Variants in NSUN2 observed in about 807,000 individuals in gnomAD.
NSUN2 encodes NOP2/Sun RNA methyltransferase 2, also known as RNA cytosine C(5)-methyltransferase NSUN2.
A neutral mutation model predicts 92.7 loss-of-function variants in NSUN2; 63 were observed. That is an observed-to-expected ratio of 0.68 (90% CI 0.56 to 0.84). The LOEUF is 0.84. NSUN2 is among the 40% of genes least tolerant of loss of function. The probability of loss-of-function intolerance (pLI) is 0.00; values close to 1 mark genes in which losing one functional copy is unlikely to be tolerated. For synonymous variants in NSUN2, 356 were observed against 348.3 expected, an observed-to-expected ratio of 1.02 and a Z score of -0.25; for missense variants, 989 against 964.9, an observed-to-expected ratio of 1.02 and a Z score of -0.33.
intron 14 of NSUN2, 39 bp downstream of exon 14, chr5:6,606,781 A>G (rs766033866): frequency 1.7e-6 from 2 of 1,155,164 alleles, no homozygotes; most frequent in Admixed American, 3.7e-5. Flanking sequence ...TCTATAGTAA[A>G]TTTCTTTAAA....
chr5:6,606,844 T>C lies in NSUN2; in HGVS notation c.1577A>G (p.Asp526Gly), dbSNP rs746748664. The C allele has an allele frequency of 3.8e-6, 6 of 1,585,638 alleles. No individual in the cohort carries two copies. In the South Asian group the frequency reaches 5.6e-5, roughly 15 times the overall value. Reference sequence around the variant, plus strand: ...CTCAATAGGTGGAAATAATGGGTCATCTTCAGGAATAAATACAAATGGATC... The same window carrying C: ...CTCAATAGGTGGAAATAATGGGTCACCTTCAGGAATAAATACAAATGGATC... ...KEDPFVFIPE[D>G]DPLFPPIEKF... Residue 526 changes from aspartate (D) to glycine (G), a missense_variant, in exon 14 of 19, where the codon GAT (aspartate) becomes GGT (glycine). By Grantham distance (94) the Asp-to-Gly change is moderately conservative. Transcript: ENST00000264670.
At chr5:6,632,452 TG>T (rs1737958607) in intron 2 of NSUN2, 146 bp downstream of exon 2, 3 of 872,186 alleles carry the variant, frequency 3.4e-6, no homozygotes. Flanking sequence ...TTGGACCCTG[TG>T]CTCCCCACCT....
chr5:6,618,213 T>C (rs963598283), intron 7 of NSUN2, among the ~76,000 whole-genome samples, 189 bp from the exon 8 acceptor site: 8 of 152,230 alleles, frequency 5.3e-5, no homozygotes, highest in African/African-American at 1.9e-4. Flanking sequence ...TATTATAGTT[T>C]TAAATTATAC....
At chr5:6,611,494 A>T (rs1047600966) in intron 10 of NSUN2, among the ~76,000 whole-genome samples, 1 of 145,972 alleles carries the variant, frequency 6.9e-6, no homozygotes, top group Non-Finnish European at 1.5e-5. Flanking sequence ...GGATGAGAGT[A>T]AAAGAGTTTA....
chr5:6,616,772 T>C lies in NSUN2; in HGVS notation c.976A>G (p.Ile326Val), dbSNP rs145826656. 10 of 1,613,968 alleles carry C rather than the reference T, an allele frequency of 6.2e-6. No homozygotes were observed. The highest frequency in any genetic ancestry group is 8.5e-6 in the Non-Finnish European group (10 of 1,179,964). Residue 326 changes from isoleucine to valine, a missense_variant, in exon 9 of 19, where the codon ATT (isoleucine) becomes GTT (valine). By Grantham distance (29) the Ile-to-Val change is conservative. This residue lies in a region of NSUN2 where 626 missense variants were observed against 602.3 expected (regional missense o/e 1.04). Transcript: ENST00000264670. ...GATGCTATGACTGCTTCATCCTCAA[T>C]AGGGTTTAGTGAACACGTGGAATAC... ...MVYSTCSLNP[I>V]EDEAVIASLL...
In NSUN2 at chr5:6,629,493, G is replaced by T. The variant is rs558672525; in HGVS notation, c.359+2380C>A. Reference sequence around the variant, plus strand: ...ATGCTGAAACGTTCCTCCTGGACAGGAACTTCTTCATCTTAAAAGCATTTC... The same window carrying T: ...ATGCTGAAACGTTCCTCCTGGACAGTAACTTCTTCATCTTAAAAGCATTTC... On this transcript the variant is annotated intron_variant, in intron 3 of 18. Transcript: ENST00000264670. Among the ~76,000 whole-genome samples, 5 of 152,310 alleles carry T rather than the reference G, an allele frequency of 3.3e-5. No individual in the cohort carries two copies. The South Asian group carries it at 6.2e-4, about 19-fold the overall frequency.
Position 6,611,785 on chromosome 5 carries a change from A to T in NSUN2, c.1035T>A (p.Leu345=). Residue 345 remains leucine (L), a synonymous_variant, in exon 10 of 19, where the codon CTT becomes CTA. Coordinates refer to ENST00000264670, the MANE Select transcript of NSUN2 (RefSeq NM_017755.6). ...CTGGCAGTTCATTAGACACATCAGCAAGCTCCAAAGCACCTGTGCAGCAAA... is the reference window on the plus strand; with the variant it reads ...CTGGCAGTTCATTAGACACATCAGCTAGCTCCAAAGCACCTGTGCAGCAAA... The part of the protein sequence containing the change: ...LLEKSEGALE[L]ADVSNELPGL... The T allele has an allele frequency of 6.2e-7, 1 of 1,614,212 alleles. No individual in the cohort carries two copies. Among genetic ancestry groups the T allele is most frequent in the South Asian group, 1.1e-5 (1 of 91,090 alleles).
chr5:6,623,060 A>G (rs1030245459), intron 5 of NSUN2, among the ~76,000 whole-genome samples, 154 bp downstream of exon 5: 2 of 148,272 alleles, frequency 1.3e-5, no homozygotes, highest in African/African-American at 5.0e-5. Flanking sequence ...AAAAAAAAAA[A>G]GAAACTAAGA....
At chr5:6,614,198 A>G (rs1481053592) in intron 9 of NSUN2, among the ~76,000 whole-genome samples, 2 of 151,880 alleles carry the variant, frequency 1.3e-5, no homozygotes, top group Admixed American at 6.6e-5. Context: ...AAGATCTGCA[A>G]GCGTTCACTC....
At chr5:6,614,113 A>C (rs1049561441) in intron 9 of NSUN2, among the ~76,000 whole-genome samples, 4 of 95,374 alleles carry the variant, frequency 4.2e-5, no homozygotes, top group African/African-American at 1.7e-4. Context: ...AAAAAAAAAA[A>C]AAAAAAAAAC....
At chr5:6,630,112 G>C (rs976096812) in intron 3 of NSUN2, among the ~76,000 whole-genome samples, 18 of 152,084 alleles carry the variant, frequency 1.2e-4, no homozygotes, top group Non-Finnish European at 2.5e-4. Context: ...TAGTTACCAG[G>C]AGGAAGAAAA....
At chr5:6,609,978 C>A in intron 11 of NSUN2, 56 bp from the exon 12 acceptor site, 1 of 1,209,456 alleles carries the variant, frequency 8.3e-7, no homozygotes, top group Non-Finnish European at 1.2e-6. Context: ...CATTCTTTTA[C>A]TATTAAGACA....
intron 2 of NSUN2, 38 bp downstream of exon 2, chr5:6,632,561 G>C: frequency 6.2e-7 from 1 of 1,608,786 alleles, no homozygotes. Context: ...CCAGCATCCT[G>C]GCCCCAACTC....
chr5:6,631,070 G>C (rs1306495600), intron 3 of NSUN2, among the ~76,000 whole-genome samples: 2 of 152,160 alleles, frequency 1.3e-5, no homozygotes, highest in African/African-American at 4.8e-5. Context: ...CTCCAGCCTG[G>C]GCGACAGAGT....
intron 5 of NSUN2, among the ~76,000 whole-genome samples, chr5:6,622,976 G>A (rs1737510994): frequency 6.9e-6 from 1 of 145,466 alleles, no homozygotes; most frequent in African/African-American, 2.5e-5. Context: ...AATCCATATG[G>A]TAAACAAATC....
At chr5:6,616,979 AC>A (rs1430197920) in intron 8 of NSUN2, 122 bp from the exon 9 acceptor site, 2 of 817,942 alleles carry the variant, frequency 2.4e-6, no homozygotes, top group Non-Finnish European at 3.6e-6. Flanking sequence ...CTTAAAAAAA[AC>A]CTTCCAGGGA....
Position 6,599,729 on chromosome 5 carries a change from A to G in NSUN2, c.*197T>C, listed in dbSNP as rs186318719. ...AAACAAGTGATTTCTAACACGCTAA[A>G]AGAGTACATTTTCATCAGCTCCAAA... On this transcript the variant is annotated 3_prime_UTR_variant, in exon 19 of 19. Transcript: ENST00000264670. 2.9e-5 allele frequency: 17 copies of G among 588,752 alleles called. No homozygotes were observed. Among genetic ancestry groups the G allele is most frequent in the East Asian group, 2.4e-4 (9 of 37,190 alleles). 36.5% of individuals were successfully genotyped at this position (588,752 alleles called of 1,614,324 possible).
rs1008236707 is a variant in NSUN2 at position 6,632,864 on chromosome 5, C to G, written c.96+20G>C. 17 of 1,536,324 alleles carry G rather than the reference C, an allele frequency of 1.1e-5. No individual in the cohort carries two copies. The highest frequency in any genetic ancestry group is 2.0e-5 in the Admixed American group (1 of 50,736). On this transcript the variant is annotated intron_variant, in intron 1 of 18. Transcript: ENST00000264670. ...GCCCAGGAGGAGCCCCTGGCCCGCC[C>G]GCCGGGTCCCGGCTCCTACCGCCTC...
rs143196231 is a variant in NSUN2 at position 6,626,769 on chromosome 5, C to T, written c.360-1100G>A. Among the ~76,000 whole-genome samples the T allele has an allele frequency of 4.6e-3, 693 of 152,286 alleles. 4 individuals carry two copies. The highest frequency in any genetic ancestry group is 7.7e-3 in the Non-Finnish European group (527 of 68,024). On this transcript the variant is annotated intron_variant, in intron 3 of 18. Coordinates refer to ENST00000264670, the MANE Select transcript of NSUN2 (RefSeq NM_017755.6). ...GCCAAACCAAGTGTACCACGTCACA[C>T]GGCCATAAATCTTAGTGTAGTTTCA...
Sources: allele counts gnomAD v4.1 joint callset (sites outside exome capture counted in the v4.1 genomes callset), GRCh38; gene constraint gnomAD v4.1.1; regional missense constraint gnomAD v4.1.1; transcripts MANE v1.5; gene names NCBI Gene and HGNC (gene_info 2026-07-23, HGNC 2026-07-21).